AKIRIN2: variants seen among roughly 807,000 people sequenced by gnomAD.
The protein encoded by AKIRIN2 is akirin 2.
Under a neutral mutation model 29.3 loss-of-function variants are expected in AKIRIN2, and 6 were observed. The ratio of observed to expected loss-of-function variants is 0.20; its 90% confidence interval spans 0.11 to 0.40. The LOEUF is 0.40. Among genes scored for constraint, AKIRIN2 ranks in the 10% least tolerant of loss-of-function variants. The pLI is 1.00. For synonymous variants in AKIRIN2, 128 were observed against 117.5 expected (o/e 1.09, Z -0.58); for missense variants, 210 against 276.1 (o/e 0.76, Z 1.70).
chr6:87,698,704 G>A (rs1771409995), intron 1 of AKIRIN2, among the ~76,000 whole-genome samples: 1 of 152,170 alleles, frequency 6.6e-6, no homozygotes, highest in Non-Finnish European at 1.5e-5. Context: ...AAGCCTTGCG[G>A]TTAAGAAAGC....
Position 87,701,719 on chromosome 6 carries a change from G to T in AKIRIN2, c.-35C>A. The T allele has an allele frequency of 7.2e-7, 1 of 1,383,950 alleles. No homozygotes were observed. The highest frequency in any genetic ancestry group is 1.6e-5 in the South Asian group (1 of 62,590). 85.7% of individuals were successfully genotyped at this position (1,383,950 alleles called of 1,614,324 possible). A position where few individuals can be genotyped will look rare whatever the true frequency, so the allele number is the denominator to read the frequency against. ...CAGCTGAGGCGCCGGGCTCGGGTGG[G>T]GTCGGGGACGGGTGACGAAAGAAGA... On this transcript the variant is annotated 5_prime_UTR_variant, in exon 1 of 5. Coordinates refer to ENST00000257787, the MANE Select transcript of AKIRIN2 (RefSeq NM_018064.4).
chr6:87,693,511 C>T (rs1771311133), intron 1 of AKIRIN2, among the ~76,000 whole-genome samples: 1 of 152,062 alleles, frequency 6.6e-6, no homozygotes, highest in Non-Finnish European at 1.5e-5. Flanking sequence ...GGGCGGATCA[C>T]GAGGTCAGGA....
intron 1 of AKIRIN2, among the ~76,000 whole-genome samples, chr6:87,685,434 C>T (rs1432148303): frequency 6.6e-6 from 1 of 152,200 alleles, no homozygotes; most frequent in African/African-American, 2.4e-5. Flanking sequence ...TACTTGCCTA[C>T]TTAGTCTTAA....
At chr6:87,676,817 C>T (rs1011096823) in intron 3 of AKIRIN2, among the ~76,000 whole-genome samples, 2 of 151,214 alleles carry the variant, frequency 1.3e-5, no homozygotes, top group African/African-American at 4.9e-5. Flanking sequence ...TGGCTTACGC[C>T]TGTAATCCCA....
chr6:87,698,702 C>A (rs549925770), intron 1 of AKIRIN2, among the ~76,000 whole-genome samples: 3 of 152,286 alleles, frequency 2.0e-5, no homozygotes, highest in African/African-American at 4.8e-5. Context: ...CTAAGCCTTG[C>A]GGTTAAGAAA....
Position 87,702,016 on chromosome 6 carries a change from C to T in AKIRIN2, c.-332G>A. On this transcript the variant is annotated 5_prime_UTR_variant, in exon 1 of 5. Transcript: ENST00000257787. ...CGGCCGCCCCCGCCGTCCGCTCGAG[C>T]TTTGCGCCGCGCCTGAGGCGCTTCT... is the stretch of plus-strand genomic sequence containing the variant. 1 of 404,248 alleles carries T rather than the reference C, an allele frequency of 2.5e-6. No homozygotes were observed. The highest frequency in any genetic ancestry group is 4.4e-6 in the Non-Finnish European group (1 of 229,326). The allele number at this position is 404,248 out of a possible 1,614,324, so 25.0% of individuals were successfully genotyped here.
chr6:87,689,003 T>C (rs2128302021), intron 1 of AKIRIN2, among the ~76,000 whole-genome samples: 1 of 152,338 alleles, frequency 6.6e-6, no homozygotes, highest in Admixed American at 6.5e-5. Context: ...TTTGACCTTG[T>C]AGTGATTCTA....
chr6:87,678,119 A>C (rs1382101300), intron 2 of AKIRIN2, 152 bp from the exon 3 acceptor site: 2 of 690,990 alleles, frequency 2.9e-6, no homozygotes, highest in Non-Finnish European at 4.4e-6. Flanking sequence ...AAGTCTTAAA[A>C]CAACCAAAAT....
At position 87,675,164 on chromosome 6, in the gene AKIRIN2, T is replaced by C. The variant is rs1336540710; in HGVS notation, c.*433A>G. ...ACAGGAAGCACTGCAGGCTATTTGC[T>C]TAATATTGTCCTGGGATTACATTCT... On this transcript the variant is annotated 3_prime_UTR_variant, in exon 5 of 5. Transcript: ENST00000257787. 5.9e-6 allele frequency: 1 copy of C among 168,160 alleles called. No individual in the cohort carries two copies. The highest frequency in any genetic ancestry group is 2.4e-5 in the African/African-American group (1 of 42,006). 10.4% of individuals were successfully genotyped at this position (168,160 alleles called of 1,614,324 possible).
At chr6:87,699,012 T>C (rs1771415779) in intron 1 of AKIRIN2, among the ~76,000 whole-genome samples, 1 of 152,238 alleles carries the variant, frequency 6.6e-6, no homozygotes, top group Non-Finnish European at 1.5e-5. Flanking sequence ...GTATTATATT[T>C]GAACTCACAG....
intron 1 of AKIRIN2, among the ~76,000 whole-genome samples, chr6:87,687,579 T>C (rs1294412145): frequency 2.0e-4 from 31 of 152,078 alleles, no homozygotes; most frequent in Admixed American, 1.9e-3. Flanking sequence ...AATATTCTTA[T>C]CCAACCAAGA....
rs1284706237 is a variant in AKIRIN2, at chr6:87,701,540, C to A, written c.145G>T (p.Ala49Ser). 2 of 1,420,022 alleles carry A rather than the reference C, an allele frequency of 1.4e-6. No homozygotes were observed. The highest frequency in any genetic ancestry group is 1.8e-6 in the Non-Finnish European group (2 of 1,086,814). 88.0% of individuals were successfully genotyped at this position (1,420,022 alleles called of 1,614,324 possible). A position where few individuals can be genotyped will look rare whatever the true frequency, so the allele number is the denominator to read the frequency against. Residue 49 changes from alanine to serine, a missense_variant, in exon 1 of 5, where the codon GCC becomes TCC. Physicochemically the swap from Ala to Ser is moderately conservative, Grantham distance 99 (BLOSUM62 1). Around this residue, in one of 2 missense-constraint regions of AKIRIN2, gnomAD observed 199 missense variants for 236.5 expected, o/e 0.84. Coordinates refer to ENST00000257787, the MANE Select transcript of AKIRIN2 (RefSeq NM_018064.4). Reference sequence around the variant, plus strand: ...GAGGCGGCCGCAGCGGAGAAGGAGGCGGCGGTGGCCGCGGCCGCCGACAAC... The same window carrying A: ...GAGGCGGCCGCAGCGGAGAAGGAGGAGGCGGTGGCCGCGGCCGCCGACAAC... The part of the protein sequence containing the change: ...SPLSAAAATA[A>S]SFSAAAASPQ...
intron 1 of AKIRIN2, 56 bp from the exon 2 acceptor site, chr6:87,681,819 G>A: frequency 7.1e-7 from 1 of 1,413,694 alleles, no homozygotes; most frequent in Non-Finnish European, 9.5e-7. Context: ...TAAAAAAGAG[G>A]TTGGCTTTCC....
In AKIRIN2 at chr6:87,701,556, C is replaced by T; in HGVS notation, c.129G>A (p.Ala43=). ...PTSAAASPLS[A]AAATAASFSA... ...AGAAGGAGGCGGCGGTGGCCGCGGC[C>T]GCCGACAACGGGGAGGCAGCGGCCG... The change falls in exon 1 of 5, where the codon GCG becomes GCA. Residue 43 remains alanine, a synonymous_variant. Transcript: ENST00000257787. 7.1e-7 allele frequency: 1 copy of T among 1,408,800 alleles called. No individual in the cohort carries two copies. The highest frequency in any genetic ancestry group is 9.3e-7 in the Non-Finnish European group (1 of 1,080,800). 87.3% of individuals were successfully genotyped at this position (1,408,800 alleles called of 1,614,324 possible). A position where few individuals can be genotyped will look rare whatever the true frequency, so the allele number is the denominator to read the frequency against.
At position 87,701,628 on chromosome 6, in the gene AKIRIN2, C is replaced by G. The variant is rs764669943; in HGVS notation, c.57G>C (p.Pro19=). Residue 19 remains proline (P), a synonymous_variant, in exon 1 of 5, where the codon CCG becomes CCC. Transcript: ENST00000257787. ...CACATCGCCTGCGCTTCGGGGACGC[C>G]GGGCTCAACAGCGGGTCGAAATCCA... is the stretch of plus-strand genomic sequence containing the variant. ...RTLDFDPLLS[P]ASPKRRRCAP... 1.4e-5 allele frequency: 21 copies of G among 1,460,136 alleles called. No individual in the cohort carries two copies. The South Asian group carries it at 2.3e-4, about 16-fold the overall frequency. 90.4% of individuals were successfully genotyped at this position (1,460,136 alleles called of 1,614,324 possible).
At position 87,698,202 on chromosome 6, in the gene AKIRIN2, C is replaced by T. The variant is rs76257398; in HGVS notation, c.235+3248G>A. Among the ~76,000 whole-genome samples the T allele has an allele frequency of 3.2e-3, 487 of 152,214 alleles. 2 individuals carry two copies. The highest frequency in any genetic ancestry group is 0.01 in the African/African-American group (422 of 41,516). On this transcript the variant is annotated intron_variant, in intron 1 of 4. Coordinates refer to ENST00000257787, the MANE Select transcript of AKIRIN2 (RefSeq NM_018064.4). ...CCCCTCCCCTTACTTCCACTGATCA[C>T]TTTTCCTTTTCCATACCCAGGGGTA...
intron 3 of AKIRIN2, 93 bp downstream of exon 3, chr6:87,677,725 C>T (rs1771045936): frequency 1.4e-6 from 2 of 1,409,846 alleles, no homozygotes; most frequent in East Asian, 2.3e-5. Flanking sequence ...GAATATACCG[C>T]ACCAGTGTAT....
intron 1 of AKIRIN2, chr6:87,700,456 T>C (rs914744993): frequency 3.3e-5 from 5 of 152,196 alleles, no homozygotes; most frequent in African/African-American, 1.2e-4. Context: ...AGGAAACATT[T>C]ACACTTCTAG....
intron 2 of AKIRIN2, among the ~76,000 whole-genome samples, chr6:87,679,995 C>A (rs1373149794): frequency 1.3e-5 from 2 of 152,202 alleles, no homozygotes; most frequent in Non-Finnish European, 2.9e-5. Context: ...ACTGTGCATA[C>A]CACAATAACA....
Sources: gnomAD v4.1 joint callset for allele counts (sites outside exome capture counted in the v4.1 genomes callset) on GRCh38, gnomAD v4.1.1 for gene constraint, gnomAD v4.1.1 regional missense constraint, MANE v1.5 for transcripts, NCBI Gene and HGNC (gene_info 2026-07-23, HGNC 2026-07-21) for gene names.